TNIP3: variants seen among roughly 807,000 people sequenced by gnomAD.
TNIP3 encodes TNFAIP3-interacting protein 3.
In TNIP3, 34 loss-of-function variants were observed where a neutral mutation model predicts 54.1. The ratio of observed to expected loss-of-function variants is 0.63; its 90% CI spans 0.48 to 0.84. The LOEUF is 0.84. Among genes scored for constraint, TNIP3 ranks in the 40% least tolerant of loss-of-function variants. TNIP3 has a pLI of 0.00. For synonymous variants in TNIP3, 134 were observed against 136.8 expected (o/e 0.98, Z 0.14); for missense variants, 366 against 387.6 (o/e 0.94, Z 0.47).
chr4:121,188,174 A>G (rs1725120120), intron 2 of TNIP3, among the ~76,000 whole-genome samples: 1 of 152,090 alleles, frequency 6.6e-6, no homozygotes, highest in Non-Finnish European at 1.5e-5. Context: ...TTAAACTTAC[A>G]TGGACAGAAA....
rs760735824 is a variant in TNIP3, at chr4:121,216,376, G to A, written c.68+39C>T. 1.4e-5 allele frequency: 21 copies of A among 1,450,082 alleles called. No homozygotes were observed. The African/African-American group carries it at 2.5e-4, about 17-fold the overall frequency. The allele number at this position is 1,450,082 out of a possible 1,614,324, so 89.8% of individuals were successfully genotyped here. On this transcript the variant is annotated intron_variant, in intron 2 of 12. Transcript: ENST00000507879. ...CAGAAGTGCTCTAATTAGAATATTAGTATTAGAAGCATATAATCTCCAAAT... is the reference window on the plus strand; with the variant it reads ...CAGAAGTGCTCTAATTAGAATATTAATATTAGAAGCATATAATCTCCAAAT...
rs370464126 is a variant in TNIP3, at chr4:121,157,138, C to T, written c.319G>A (p.Asp107Asn). Residue 107 changes from aspartate (D) to asparagine (N), a missense_variant, in exon 4 of 11, where the codon GAC becomes AAC. Transcript: ENST00000057513. ...TCCCGGGTCAGGTCGCGCTGCCTGT[C>T]GTCCTCTCTCTGCCTGTCGTCCTTT... Reference protein sequence around the residue: ...QRKDDRQREDDRQRDLTRDRL... With the variant: ...QRKDDRQREDNRQRDLTRDRL... The T allele has an allele frequency of 1.9e-6, 3 of 1,611,332 alleles. No individual in the cohort carries two copies. Among genetic ancestry groups the T allele is most frequent in the South Asian group, 1.1e-5 (1 of 91,012 alleles).
At chr4:121,191,089 T>TTTG (rs758806764) in intron 2 of TNIP3, among the ~76,000 whole-genome samples, 8 of 152,308 alleles carry the variant, frequency 5.3e-5, no homozygotes, top group Non-Finnish European at 7.4e-5. Context: ...TGTTTTTGTT[T>TTTG]TTGTTGTTGT....
intron 6 of TNIP3, among the ~76,000 whole-genome samples, chr4:121,149,447 A>G (rs1440827861): frequency 1.3e-5 from 2 of 152,244 alleles, no homozygotes; most frequent in African/African-American, 4.8e-5. Context: ...GAAAAAGTCC[A>G]GAGTTGGGAT....
At chr4:121,206,315 C>G (rs1307482973) in intron 2 of TNIP3, among the ~76,000 whole-genome samples, 1 of 152,148 alleles carries the variant, frequency 6.6e-6, no homozygotes, top group Non-Finnish European at 1.5e-5. Context: ...TTGCTAAACA[C>G]TTTGCATGCG....
At position 121,138,613 on chromosome 4, in the gene TNIP3, T is replaced by G. The variant is rs371689001; in HGVS notation, c.946+11A>C. 6.2e-7 allele frequency: 1 copy of G among 1,612,556 alleles called. No individual in the cohort carries two copies. Among genetic ancestry groups the G allele is most frequent in the Non-Finnish European group, 8.5e-7 (1 of 1,178,560 alleles). On this transcript the variant is annotated intron_variant, in intron 10 of 10. Coordinates refer to ENST00000057513, the MANE Select transcript of TNIP3 (RefSeq NM_024873.6). ...AACATGAAAGAATGCTCAATACAGCTGTGGTCTCACCATTTGCCTTGTGTT... is the reference window on the plus strand; with the variant it reads ...AACATGAAAGAATGCTCAATACAGCGGTGGTCTCACCATTTGCCTTGTGTT...
Position 121,132,746 on chromosome 4 carries a change from C to G in TNIP3, c.947-84G>C, listed in dbSNP as rs1728547276. On this transcript the variant is annotated intron_variant, in intron 10 of 10. Transcript: ENST00000057513. ...TCTGGCTTAAGGCTGACATAAAGTT[C>G]CAGGATGGCAAAAAAAAAAAAAAGT... 3.3e-6 allele frequency: 4 copies of G among 1,224,494 alleles called. No homozygotes were observed. The Admixed American group carries it at 8.5e-5, about 26-fold the overall frequency. 75.9% of individuals were successfully genotyped at this position (1,224,494 alleles called of 1,614,324 possible). A position where few individuals can be genotyped will look rare whatever the true frequency, so the allele number is the denominator to read the frequency against.
At chr4:121,217,701 C>T (rs1395733826), upstream of TNIP3, among the ~76,000 whole-genome samples, 3 of 152,194 alleles carry the variant, frequency 2.0e-5, no homozygotes, top group Non-Finnish European at 4.4e-5. Context: ...TGATAACCAT[C>T]TGATAGAGTG....
chr4:121,164,290 A>G lies in TNIP3; in HGVS notation c.-165T>C, dbSNP rs1483110370. 4 of 1,435,838 alleles carry G rather than the reference A, an allele frequency of 2.8e-6. No individual in the cohort carries two copies. In the African/African-American group the frequency reaches 5.7e-5, roughly 21 times the overall value. 88.9% of individuals were successfully genotyped at this position (1,435,838 alleles called of 1,614,324 possible). ...CAATAGGTTTTCATTAAAAATGAAC[A>G]GAAGTGACTGTGGATAGGAATTACA... On this transcript the variant is annotated 5_prime_UTR_variant, in exon 1 of 11. Coordinates refer to ENST00000057513, the MANE Select transcript of TNIP3 (RefSeq NM_024873.6).
rs561920101 is a variant in TNIP3 at position 121,162,125 on chromosome 4, T to C, written c.67-909A>G. 3.9e-5 allele frequency among the ~76,000 whole-genome samples: 6 copies of C among 152,336 alleles called. No homozygotes were observed. The East Asian group carries it at 1.2e-3, about 29-fold the overall frequency. ...AAGCTATTTGTGAACCATTAAGAAA[T>C]ATTTTCAAAACATGTTGTTGGTCTT... On this transcript the variant is annotated intron_variant, in intron 1 of 10. Coordinates refer to ENST00000057513, the MANE Select transcript of TNIP3 (RefSeq NM_024873.6).
intron 2 of TNIP3, among the ~76,000 whole-genome samples, chr4:121,198,576 A>T (rs1371381396): frequency 6.6e-6 from 1 of 152,324 alleles, no homozygotes; most frequent in East Asian, 1.9e-4. Context: ...GTTTTCATGG[A>T]GCTTACATTT....
chr4:121,167,212 C>T (rs1343598999), upstream of TNIP3, among the ~76,000 whole-genome samples: 1 of 151,908 alleles, frequency 6.6e-6, no homozygotes, highest in Non-Finnish European at 1.5e-5. Context: ...AAATTCCCTG[C>T]TTATGATGAA....
At chr4:121,220,768 G>A (rs1726994463), upstream of TNIP3, among the ~76,000 whole-genome samples, 1 of 152,158 alleles carries the variant, frequency 6.6e-6, no homozygotes, top group Non-Finnish European at 1.5e-5. Context: ...CCTTAGCTGT[G>A]AGCATTCAGC....
chr4:121,190,897 A>G (rs533739781), intron 2 of TNIP3, among the ~76,000 whole-genome samples: 3 of 152,188 alleles, frequency 2.0e-5, no homozygotes, highest in Non-Finnish European at 4.4e-5. Flanking sequence ...TCTTCTACCC[A>G]GGGAGCCAGG....
intron 2 of TNIP3, among the ~76,000 whole-genome samples, chr4:121,186,720 A>G (rs1421734752): frequency 6.6e-6 from 1 of 152,196 alleles, no homozygotes; most frequent in African/African-American, 2.4e-5. Context: ...TGGAATAGTT[A>G]CCAAACATTC....
intron 7 of TNIP3, among the ~76,000 whole-genome samples, chr4:121,143,765 A>T (rs896729509): frequency 6.6e-6 from 1 of 152,242 alleles, no homozygotes; most frequent in African/African-American, 2.4e-5. Context: ...CTTATTTAAT[A>T]TGTATTGTTG....
At chr4:121,152,472 A>C (rs932084500) in intron 5 of TNIP3, among the ~76,000 whole-genome samples, 1 of 152,072 alleles carries the variant, frequency 6.6e-6, no homozygotes, top group African/African-American at 2.4e-5. Context: ...TTTGCTCACT[A>C]CCCATAAGTA....
chr4:121,154,033 AC>A (rs940995864), intron 5 of TNIP3, among the ~76,000 whole-genome samples: 7 of 152,168 alleles, frequency 4.6e-5, no homozygotes, highest in African/African-American at 1.2e-4. Flanking sequence ...CCCTGCATGC[AC>A]ACACGCACAC....
At chr4:121,154,372 T>A in intron 5 of TNIP3, 179 bp downstream of exon 5, 1 of 745,186 alleles carries the variant, frequency 1.3e-6, no homozygotes, top group Non-Finnish European at 2.1e-6. Context: ...AAAGCCTCCT[T>A]AGCCAAGTAT....
Sources: gnomAD v4.1 joint callset for allele counts (sites outside exome capture counted in the v4.1 genomes callset) on GRCh38, gnomAD v4.1.1 for gene constraint, MANE v1.5 for transcripts, NCBI Gene and HGNC (gene_info 2026-07-23, HGNC 2026-07-21) for gene names.